The following PIK3R3 variants were observed in gnomAD, a reference collection of about 807,000 sequenced individuals.
PIK3R3 encodes the protein phosphatidylinositol 3-kinase regulatory subunit gamma.
A neutral mutation model predicts 62.9 loss-of-function variants in PIK3R3; 64 were observed. That is an observed-to-expected ratio of 1.02 (90% confidence interval 0.83 to 1.25). The LOEUF is 1.25. Among genes scored for constraint, PIK3R3 ranks in the 50% most tolerant of loss-of-function variants. The pLI is 0.00. For missense variants in PIK3R3, 614 were observed against 561.6 expected (o/e 1.09, Z -0.94); for synonymous variants, 165 against 189.0 (o/e 0.87, Z 1.04).
the PIK3R3 span, among the ~76,000 whole-genome samples, chr1:46,163,261 A>G: frequency 6.6e-6 from 1 of 152,238 alleles, no homozygotes; most frequent in Non-Finnish European, 1.5e-5. Context: ...TTTTTTAAAA[A>G]GTAAAATAAA....
At chr1:46,100,306 AT>A (rs992670093) in intron 1 of PIK3R3, among the ~76,000 whole-genome samples, 2 of 152,130 alleles carry the variant, frequency 1.3e-5, no homozygotes, top group African/African-American at 4.8e-5. Context: ...CATCACATAC[AT>A]TTTTTAATAT....
chr1:46,101,132 A>G (rs1183724171), intron 1 of PIK3R3, among the ~76,000 whole-genome samples: 1 of 146,658 alleles, frequency 6.8e-6, no homozygotes, highest in Non-Finnish European at 1.5e-5. Context: ...AGATCACACC[A>G]CTGCACTCCA....
At chr1:46,107,167 C>T (rs1170177016) in intron 1 of PIK3R3, among the ~76,000 whole-genome samples, 1 of 152,016 alleles carries the variant, frequency 6.6e-6, no homozygotes, top group Non-Finnish European at 1.5e-5. Flanking sequence ...ACCGGCCTGG[C>T]CAACATGGTG....
At chr1:46,110,901 G>A (rs2149454448) in intron 1 of PIK3R3, among the ~76,000 whole-genome samples, 1 of 150,958 alleles carries the variant, frequency 6.6e-6, no homozygotes, top group Admixed American at 6.6e-5. Flanking sequence ...CATAGAAAAA[G>A]TTGAAATGAC....
At chr1:46,083,633 A>G (rs959533965) in intron 1 of PIK3R3, among the ~76,000 whole-genome samples, 3 of 152,240 alleles carry the variant, frequency 2.0e-5, no homozygotes, top group African/African-American at 4.8e-5. Context: ...ATCTGAATAT[A>G]TATTTCTCCA....
chr1:46,080,026 G>A (rs187918419), intron 2 of PIK3R3, among the ~76,000 whole-genome samples: 20 of 150,092 alleles, frequency 1.3e-4, no homozygotes, highest in African/African-American at 3.9e-4. Flanking sequence ...CTAATGAAGC[G>A]TTCCCATGCA....
rs1450561938 is a variant in PIK3R3 at position 46,059,989 on chromosome 1, ACTTGGGAG to A, written c.764+1932_764+1939del. 6.6e-5 allele frequency among the ~76,000 whole-genome samples: 10 copies of A among 152,222 alleles called. No individual in the cohort carries two copies. In the East Asian group the frequency reaches 1.9e-3, roughly 29 times the overall value. ...GTGGCATGCACCTATAATCCCAGCT[ACTTGGGAG>A]GCTGAGGCAGGATAATCACTTGAAC... is the stretch of plus-strand genomic sequence containing the variant. On this transcript the variant is annotated intron_variant, in intron 6 of 9. Coordinates refer to ENST00000262741, the MANE Select transcript of PIK3R3 (RefSeq NM_003629.4).
upstream of PIK3R3, among the ~76,000 whole-genome samples, chr1:46,136,070 C>CTTTT (rs571080588): frequency 8.0e-6 from 1 of 124,236 alleles, no homozygotes; most frequent in Admixed American, 8.1e-5. Flanking sequence ...TGGAAATATA[C>CTTTT]TTTTTTTTTT....
At chr1:46,170,939 A>G in the PIK3R3 span, among the ~76,000 whole-genome samples, 2 of 152,262 alleles carry the variant, frequency 1.3e-5, no homozygotes, top group Non-Finnish European at 1.5e-5. Context: ...CTTAGTTTCT[A>G]TAACCCAGAT....
At chr1:46,124,292 C>A (rs1654905234) in intron 1 of PIK3R3, among the ~76,000 whole-genome samples, 1 of 152,034 alleles carries the variant, frequency 6.6e-6, no homozygotes, top group South Asian at 2.1e-4. Context: ...TTTCTCTGGG[C>A]AGGATAAGAA....
chr1:46,155,118 A>AACTTC, the PIK3R3 span, among the ~76,000 whole-genome samples: 1 of 152,134 alleles, frequency 6.6e-6, no homozygotes, highest in East Asian at 1.9e-4. Flanking sequence ...CCAGGAGTTG[A>AACTTC]AGACCAGCCT....
At chr1:46,062,995 T>A (rs528118748) in intron 5 of PIK3R3, among the ~76,000 whole-genome samples, 1 of 152,216 alleles carries the variant, frequency 6.6e-6, no homozygotes, top group African/African-American at 2.4e-5. Context: ...GAATCCACTA[T>A]ACAGAAATTA....
intron 1 of PIK3R3, among the ~76,000 whole-genome samples, chr1:46,104,324 T>C (rs1022501589): frequency 2.6e-5 from 4 of 152,236 alleles, no homozygotes; most frequent in Non-Finnish European, 5.9e-5. Context: ...AAATTTCTTT[T>C]ATGGTGACAA....
the PIK3R3 span, among the ~76,000 whole-genome samples, chr1:46,152,560 C>CTTTTT: frequency 2.4e-5 from 3 of 124,486 alleles, no homozygotes; most frequent in East Asian, 2.4e-4. Context: ...TGATTAACAT[C>CTTTTT]TTTTTTTTTT....
intron 1 of PIK3R3, among the ~76,000 whole-genome samples, chr1:46,102,850 A>G (rs1652835709): frequency 1.3e-5 from 2 of 151,196 alleles, no homozygotes; most frequent in Admixed American, 1.3e-4. Flanking sequence ...CAGAGTCTCA[A>G]AGAGACATTA....
intron 1 of PIK3R3, among the ~76,000 whole-genome samples, chr1:46,108,669 G>A (rs929412308): frequency 1.3e-5 from 2 of 151,942 alleles, no homozygotes; most frequent in African/African-American, 2.4e-5. Flanking sequence ...TACACTCTTC[G>A]TCATACCCAT....
At chr1:46,113,401 C>T (rs988852944) in intron 1 of PIK3R3, among the ~76,000 whole-genome samples, 2 of 151,284 alleles carry the variant, frequency 1.3e-5, no homozygotes, top group African/African-American at 2.4e-5. Flanking sequence ...TCAAGGAATC[C>T]TCCCACTTCA....
At position 46,095,879 on chromosome 1, in the gene PIK3R3, C is replaced by G. The variant is rs188264442; in HGVS notation, c.107-15129G>C. On this transcript the variant is annotated intron_variant, in intron 1 of 9. Coordinates refer to ENST00000262741, the MANE Select transcript of PIK3R3 (RefSeq NM_003629.4). ...AGTTTCTTCAGTTAAAAGTTAATTG[C>G]TTTGAAGACTTCCCAAAATGCTGTT... Among the ~76,000 whole-genome samples, 493 of 152,258 alleles carry G rather than the reference C, an allele frequency of 3.2e-3. 1 individual carries two copies. The highest frequency in any genetic ancestry group is 5.1e-3 in the Non-Finnish European group (346 of 68,010).
chr1:46,137,706 C>CATG (rs1183969976), upstream of PIK3R3, among the ~76,000 whole-genome samples: 1 of 152,190 alleles, frequency 6.6e-6, no homozygotes, highest in African/African-American at 2.4e-5. Context: ...TAGAGTTCCT[C>CATG]ATGTTGGACA....
Sources: gnomAD v4.1 joint callset for allele counts (sites outside exome capture counted in the v4.1 genomes callset) on GRCh38, gnomAD v4.1.1 for gene constraint, MANE v1.5 for transcripts, NCBI Gene and HGNC (gene_info 2026-07-23, HGNC 2026-07-21) for gene names.